Variants in BUB1B observed in about 807,000 individuals in gnomAD.
BUB1B encodes the protein mitotic checkpoint serine/threonine-protein kinase BUB1 beta.
In BUB1B, 86 loss-of-function variants were observed where a neutral mutation model predicts 137.7. The ratio of observed to expected loss-of-function variants is 0.62; its 90% CI spans 0.52 to 0.75. The LOEUF (loss-of-function observed/expected upper bound fraction) is 0.75. Among genes scored for constraint, BUB1B ranks in the 30% least tolerant of loss-of-function variants. BUB1B has a pLI of 0.00. For synonymous variants in BUB1B, 420 were observed against 417.9 expected (o/e 1.00, Z -0.06); for missense variants, 1,130 against 1,236.9 (o/e 0.91, Z 1.30).
intron 8 of BUB1B, among the ~76,000 whole-genome samples, chr15:40,190,703 G>A (rs2037425724): frequency 6.6e-6 from 1 of 152,026 alleles, no homozygotes; most frequent in Non-Finnish European, 1.5e-5. Flanking sequence ...TGTGCTTTGG[G>A]GCCATTATTA....
intron 8 of BUB1B, 70 bp from the exon 9 acceptor site, chr15:40,196,475 C>A: frequency 1.5e-6 from 2 of 1,368,886 alleles, no homozygotes; most frequent in Non-Finnish European, 2.1e-6. Flanking sequence ...TTATTTTTAG[C>A]TTCTTTTATC....
chr15:40,188,817 G>A (rs1049689976), intron 8 of BUB1B, among the ~76,000 whole-genome samples: 29 of 151,600 alleles, frequency 1.9e-4, no homozygotes, highest in African/African-American at 6.5e-4. Flanking sequence ...TCCTGACCTC[G>A]AGATCTGCCC....
chr15:40,182,944 C>T (rs1037020119), intron 5 of BUB1B, among the ~76,000 whole-genome samples: 4 of 152,236 alleles, frequency 2.6e-5, no homozygotes, highest in Non-Finnish European at 5.9e-5. Flanking sequence ...CTTTTCAGAG[C>T]CCTCAGTTAG....
intron 3 of BUB1B, 82 bp from the exon 4 acceptor site, chr15:40,170,455 A>G (rs2140881693): frequency 6.6e-7 from 1 of 1,517,886 alleles, no homozygotes; most frequent in East Asian, 2.3e-5. Context: ...TACTTCTGCT[A>G]AAATCCAGAA....
chr15:40,164,662 C>CTTTTTT, intron 1 of BUB1B, among the ~76,000 whole-genome samples: 1 of 127,604 alleles, frequency 7.8e-6, no homozygotes, highest in Non-Finnish European at 1.7e-5. Context: ...ATTCATTTTT[C>CTTTTTT]TTTTTTTTTT....
chr15:40,168,915 C>A (rs1032193062), intron 2 of BUB1B, among the ~76,000 whole-genome samples: 2 of 152,056 alleles, frequency 1.3e-5, no homozygotes, highest in African/African-American at 4.8e-5. Context: ...TCTGTGATAC[C>A]TCCTTTTGAC....
Position 40,176,611 on chromosome 15 carries a change from G to T in BUB1B, c.519G>T (p.Ala173=). The T allele has an allele frequency of 6.2e-7, 1 of 1,614,070 alleles. No homozygotes were observed. The highest frequency in any genetic ancestry group is 8.5e-7 in the Non-Finnish European group (1 of 1,179,996). Residue 173 remains alanine, a synonymous_variant, in exon 5 of 23, where the codon GCG becomes GCT. Coordinates refer to ENST00000287598, the MANE Select transcript of BUB1B (RefSeq NM_001211.6). ...GAGAAAACTTTAGGAAAGCAGATGC[G>T]ATATTTCAGGAAGGGATTCAACAGA... ...EARENFRKAD[A]IFQEGIQQKA...
Position 40,208,709 on chromosome 15 carries a change from C to A in BUB1B, c.2082C>A (p.Ser694Arg). 1 of 1,613,678 alleles carries A rather than the reference C, an allele frequency of 6.2e-7. No homozygotes were observed. The highest frequency in any genetic ancestry group is 8.5e-7 in the Non-Finnish European group (1 of 1,179,554). Residue 694 changes from serine (S) to arginine (R), a missense_variant, in exon 16 of 23, where the codon AGC (serine) becomes AGA (arginine). Physicochemically the swap from Ser to Arg is moderately radical, Grantham distance 110. Transcript: ENST00000287598. ...GFSGSSASVA[S>R]TSSIKCLQIP... ...CTGGTTCTTCTGCCTCGGTTGCAAG[C>A]ACCTCCTCCATCAAATGTCTTCAAA... is the stretch of plus-strand genomic sequence containing the variant.
chr15:40,163,875 A>G (rs1272605513), intron 1 of BUB1B, among the ~76,000 whole-genome samples: 1 of 152,188 alleles, frequency 6.6e-6, no homozygotes, highest in Non-Finnish European at 1.5e-5. Context: ...GCTGTCTCCA[A>G]CGAGTTTTCA....
At chr15:40,161,870 C>T (rs979861253) in intron 1 of BUB1B, among the ~76,000 whole-genome samples, 2 of 152,108 alleles carry the variant, frequency 1.3e-5, no homozygotes, top group Non-Finnish European at 2.9e-5. Flanking sequence ...GCCCGCAATA[C>T]CTAGATAAGT....
chr15:40,170,540 T>A lies in BUB1B; in HGVS notation c.243T>A (p.Tyr81Ter). The A allele has an allele frequency of 6.2e-7, 1 of 1,613,642 alleles. No individual in the cohort carries two copies. Among genetic ancestry groups the A allele is most frequent in the Non-Finnish European group, 8.5e-7 (1 of 1,179,632 alleles). Reference sequence around the variant, plus strand: ...TTATCTTTTTCCTCCCATTTAGGTATATCAGCTGGACAGAGCAGAACTATC... The same window carrying A: ...TTATCTTTTTCCTCCCATTTAGGTAAATCAGCTGGACAGAGCAGAACTATC... ...GNDPLDVWDR[Y>*]ISWTEQNYPQ... is the part of the protein sequence containing the mutation. Residue 81 changes from tyrosine to a stop codon, truncating the protein, a stop_gained, in exon 4 of 23, where the codon TAT (tyrosine) becomes TAA (stop). Coordinates refer to ENST00000287598, the MANE Select transcript of BUB1B (RefSeq NM_001211.6). LOFTEE classifies it high-confidence loss of function.
Position 40,202,462 on chromosome 15 carries a change from A to G in BUB1B, c.1625A>G (p.Lys542Arg), listed in dbSNP as rs200997833. Reference protein sequence around the residue: ...DEFLLSEKKNKSPPADPPRVL... With the variant: ...DEFLLSEKKNRSPPADPPRVL... Reference sequence around the variant, plus strand: ...TTTCTTCTTTCAGAAAAGAAGAATAAAAGGTACGTTGTTTTTTTGTTTTTT... The same window carrying G: ...TTTCTTCTTTCAGAAAAGAAGAATAGAAGGTACGTTGTTTTTTTGTTTTTT... Residue 542 changes from lysine to arginine, a missense_variant, in exon 13 of 23, where the codon AAA becomes AGA. By Grantham distance (26) the Lys-to-Arg change is conservative. Coordinates refer to ENST00000287598, the MANE Select transcript of BUB1B (RefSeq NM_001211.6). The G allele has an allele frequency of 1.2e-6, 2 of 1,612,128 alleles. No homozygotes were observed. The highest frequency in any genetic ancestry group is 1.7e-6 in the Non-Finnish European group (2 of 1,179,078).
At chr15:40,190,387 G>T (rs1165303460) in intron 8 of BUB1B, among the ~76,000 whole-genome samples, 1 of 152,022 alleles carries the variant, frequency 6.6e-6, no homozygotes, top group Non-Finnish European at 1.5e-5. Flanking sequence ...TGGGGCAGGA[G>T]GATTGCTTGA....
At chr15:40,163,658 TA>T (rs2037063215) in intron 1 of BUB1B, among the ~76,000 whole-genome samples, 1 of 152,212 alleles carries the variant, frequency 6.6e-6, no homozygotes. Flanking sequence ...TTGTTTTCAT[TA>T]AATGTTCTTA....
intron 8 of BUB1B, among the ~76,000 whole-genome samples, chr15:40,195,252 A>G (rs986349067): frequency 6.6e-6 from 1 of 151,978 alleles, no homozygotes; most frequent in African/African-American, 2.4e-5. Context: ...TCCATTCCTC[A>G]GTTACGTCAC....
chr15:40,179,070 CTT>C (rs1475644603), intron 5 of BUB1B, among the ~76,000 whole-genome samples: 1 of 152,036 alleles, frequency 6.6e-6, no homozygotes, highest in Non-Finnish European at 1.5e-5. Flanking sequence ...TATGGATTTG[CTT>C]ATTCTGGACA....
intron 12 of BUB1B, among the ~76,000 whole-genome samples, chr15:40,202,007 C>T (rs1386441503): frequency 6.6e-6 from 1 of 152,054 alleles, no homozygotes; most frequent in African/African-American, 2.4e-5. Context: ...AAACTTCTCA[C>T]TGGACATTTG....
chr15:40,202,941 G>T (rs926223907), intron 14 of BUB1B, among the ~76,000 whole-genome samples: 2 of 152,156 alleles, frequency 1.3e-5, no homozygotes, highest in Admixed American at 1.3e-4. Context: ...GGAGAAATTA[G>T]AACATACATT....
rs2037728628 is a variant in BUB1B, at chr15:40,212,629, T to C, written c.2516T>C (p.Ile839Thr). 2 of 1,613,438 alleles carry C rather than the reference T, an allele frequency of 1.2e-6. No homozygotes were observed. The highest frequency in any genetic ancestry group is 1.3e-5 in the African/African-American group (1 of 74,922). The change falls in exon 19 of 23, where the codon ATA (isoleucine) becomes ACA (threonine). Residue 839 changes from isoleucine to threonine, a missense_variant. Physicochemically the swap from Ile to Thr is moderately conservative, Grantham distance 89 (BLOSUM62 -1). Transcript: ENST00000287598. ...QDGCIVWHQY[I>T]NCFTLQDLLQ... ...GGCTGTATTGTTTGGCACCAATATATAAACTGCTTCACCCTTCAGGTCTGT... is the reference window on the plus strand; with the variant it reads ...GGCTGTATTGTTTGGCACCAATATACAAACTGCTTCACCCTTCAGGTCTGT...
Sources: allele counts gnomAD v4.1 joint callset (sites outside exome capture counted in the v4.1 genomes callset), GRCh38; gene constraint gnomAD v4.1.1; transcripts MANE v1.5; gene names NCBI Gene and HGNC (gene_info 2026-07-23, HGNC 2026-07-21).